Variants in HERC5 observed in about 807,000 individuals in gnomAD.
The protein encoded by HERC5 is E3 ISG15--protein ligase HERC5.
HERC5 carries 99 observed loss-of-function variants against 119.6 expected under a neutral mutation model. The observed-to-expected ratio is 0.83, with a 90% CI of 0.70 to 0.98. The LOEUF is 0.98. Ranked by LOEUF, HERC5 falls within the 50% of genes least tolerant of loss-of-function variation. The pLI, the probability that HERC5 is intolerant of heterozygous loss-of-function variation, is 0.00. For synonymous variants in HERC5, 478 were observed against 445.9 expected (o/e 1.07, Z -0.91); for missense variants, 1,267 against 1,241.3 (o/e 1.02, Z -0.31).
intron 11 of HERC5, among the ~76,000 whole-genome samples, chr4:88,475,562 C>T (rs1741033778): frequency 6.6e-6 from 1 of 152,066 alleles, no homozygotes; most frequent in Non-Finnish European, 1.5e-5. Context: ...TGTGATCTGC[C>T]TGCCTCGGCC....
chr4:88,458,256 ATGT>A (rs1412275665), intron 1 of HERC5, among the ~76,000 whole-genome samples: 3 of 151,988 alleles, frequency 2.0e-5, no homozygotes, highest in Non-Finnish European at 4.4e-5. Flanking sequence ...CCTTTTGTGC[ATGT>A]TGTTTTTAGT....
At chr4:88,468,974 CA>C (rs1740772703) in intron 8 of HERC5, among the ~76,000 whole-genome samples, 182 bp from the exon 9 acceptor site, 1 of 152,154 alleles carries the variant, frequency 6.6e-6, no homozygotes, top group Non-Finnish European at 1.5e-5. Context: ...CCCCCTTGGA[CA>C]AGAAAGTGGC....
chr4:88,490,509 T>TA (rs1178540733), intron 16 of HERC5, among the ~76,000 whole-genome samples: 1 of 152,156 alleles, frequency 6.6e-6, no homozygotes, highest in Admixed American at 6.5e-5. Context: ...CTACTCAGAT[T>TA]AAAGAAAGAT....
At chr4:88,468,924 T>C (rs552222211) in intron 8 of HERC5, among the ~76,000 whole-genome samples, 1 of 152,354 alleles carries the variant, frequency 6.6e-6, no homozygotes, top group East Asian at 1.9e-4. Flanking sequence ...TATAAAGTGC[T>C]GAGTGTTGAG....
chr4:88,482,281 G>A (rs569646821), intron 13 of HERC5, among the ~76,000 whole-genome samples: 1 of 150,388 alleles, frequency 6.6e-6, no homozygotes, highest in South Asian at 2.1e-4. Flanking sequence ...CTGCACTCCA[G>A]CCTGGGTGAC....
chr4:88,498,955 C>G (rs1365941287), intron 18 of HERC5, among the ~76,000 whole-genome samples: 1 of 152,078 alleles, frequency 6.6e-6, no homozygotes, highest in Non-Finnish European at 1.5e-5. Context: ...CCCACAAAAA[C>G]AAAAACAACC....
At chr4:88,495,718 T>C (rs551058333) in intron 18 of HERC5, among the ~76,000 whole-genome samples, 24 of 152,250 alleles carry the variant, frequency 1.6e-4, no homozygotes, top group African/African-American at 5.1e-4. Flanking sequence ...CCAGAGTCTA[T>C]TAATCGTTTA....
intron 3 of HERC5, among the ~76,000 whole-genome samples, chr4:88,460,544 C>G (rs1204299214): frequency 1.3e-5 from 2 of 152,182 alleles, no homozygotes; most frequent in Admixed American, 1.3e-4. Flanking sequence ...GCTCAGAATC[C>G]CCTTTTGTGG....
chr4:88,467,156 C>CT lies in HERC5; in HGVS notation c.1010dup (p.Met338AspfsTer11). 6.2e-7 allele frequency: 1 copy of CT among 1,614,186 alleles called. No individual in the cohort carries two copies. Among genetic ancestry groups the CT allele is most frequent in the East Asian group, 2.2e-5 (1 of 44,886 alleles). The stretch of plus-strand genomic sequence containing the variant: ...GGGAAATGGTGGAACACGTGACCAG[C>CT]TGATGCCGCTTCCAGTGAAAGTATC... On this transcript the variant is annotated frameshift_variant, in exon 7 of 23. Coordinates refer to ENST00000264350, the MANE Select transcript of HERC5 (RefSeq NM_016323.4). LOFTEE classifies it high-confidence loss of function.
chr4:88,503,476 G>C (rs1280263846), intron 20 of HERC5, among the ~76,000 whole-genome samples: 1 of 152,090 alleles, frequency 6.6e-6, no homozygotes, highest in African/African-American at 2.4e-5. Context: ...TAGTTACTAG[G>C]AGAGGTATAT....
At position 88,469,147 on chromosome 4, in the gene HERC5, T is replaced by G; in HGVS notation, c.1135-10T>G. On this transcript the variant is annotated splice_polypyrimidine_tract_variant and intron_variant, in intron 8 of 22. Transcript: ENST00000264350. Reference sequence around the variant, plus strand: ...AAATTATTGTATTTTACTTTCCTGTTTGTTTACAGAATTCATATGTTAATC... The same window carrying G: ...AAATTATTGTATTTTACTTTCCTGTGTGTTTACAGAATTCATATGTTAATC... 6 of 1,569,258 alleles carry G rather than the reference T, an allele frequency of 3.8e-6. No individual in the cohort carries two copies. Among genetic ancestry groups the G allele is most frequent in the Non-Finnish European group, 3.5e-6 (4 of 1,141,298 alleles).
At chr4:88,480,022 G>A (rs1461716592) in intron 13 of HERC5, among the ~76,000 whole-genome samples, 1 of 149,318 alleles carries the variant, frequency 6.7e-6, no homozygotes, top group Non-Finnish European at 1.5e-5. Flanking sequence ...AGCAGAGATC[G>A]CGCCATTGCA....
At chr4:88,477,326 GA>G (rs1233050287) in intron 12 of HERC5, among the ~76,000 whole-genome samples, 1 of 3,612 alleles carries the variant, frequency 2.8e-4, no homozygotes, top group East Asian at 9.4e-3. Context: ...AAGGGGAAGG[GA>G]GGGGGAGGGG....
chr4:88,461,214 T>A (rs1740431662), intron 3 of HERC5, among the ~76,000 whole-genome samples: 1 of 152,194 alleles, frequency 6.6e-6, no homozygotes, highest in South Asian at 2.1e-4. Context: ...TGGAAGAAAT[T>A]GATCATTTGA....
chr4:88,462,311 T>TG lies in HERC5; in HGVS notation c.647dup (p.Asn218LysfsTer2). The TG allele has an allele frequency of 6.2e-7, 1 of 1,614,220 alleles. No individual in the cohort carries two copies. Among genetic ancestry groups the TG allele is most frequent in the Non-Finnish European group, 8.5e-7 (1 of 1,180,046 alleles). Reference sequence around the variant, plus strand: ...ATCCATGTCTGGCAACATTTATTCATGGGGAAAAAATGAATGTGGACAACT... The same window carrying TG: ...ATCCATGTCTGGCAACATTTATTCATGGGGGAAAAAATGAATGTGGACAACT... On this transcript the variant is annotated frameshift_variant, in exon 4 of 23. Coordinates refer to ENST00000264350, the MANE Select transcript of HERC5 (RefSeq NM_016323.4). LOFTEE classifies it high-confidence loss of function.
intron 7 of HERC5, chr4:88,467,864 G>C (rs1740728425): frequency 1.0e-6 from 1 of 984,228 alleles, no homozygotes; most frequent in Non-Finnish European, 1.2e-6. Context: ...TGAAAGCTTA[G>C]TGGTGACCTC....
chr4:88,472,296 A>G (rs559896840), intron 10 of HERC5, 113 bp from the exon 11 acceptor site: 2 of 675,082 alleles, frequency 3.0e-6, no homozygotes, highest in East Asian at 5.1e-5. Context: ...AATTTATTAT[A>G]GTTACACACT....
chr4:88,475,756 C>CTCTACT, intron 11 of HERC5, 85 bp from the exon 12 acceptor site: 1 of 1,111,300 alleles, frequency 9.0e-7, no homozygotes, highest in Non-Finnish European at 1.3e-6. Context: ...ACATTCCAGC[C>CTCTACT]TCTACACCTT....
At chr4:88,465,594 A>C (rs894886216) in intron 6 of HERC5, among the ~76,000 whole-genome samples, 1 of 152,140 alleles carries the variant, frequency 6.6e-6, no homozygotes, top group Non-Finnish European at 1.5e-5. Context: ...CAGTCTTATC[A>C]CCTCTTTGGA....
Sources: allele counts gnomAD v4.1 joint callset (sites outside exome capture counted in the v4.1 genomes callset), GRCh38; gene constraint gnomAD v4.1.1; transcripts MANE v1.5; gene names NCBI Gene and HGNC (gene_info 2026-07-23, HGNC 2026-07-21).